RELN: variants seen among roughly 807,000 people sequenced by gnomAD.
The protein encoded by RELN is reelin.
Under a neutral mutation model 427.6 loss-of-function variants are expected in RELN, and 108 were observed. The observed-to-expected ratio is 0.25, with a 90% confidence interval of 0.22 to 0.30. The LOEUF (loss-of-function observed/expected upper bound fraction) is 0.30, where lower values mean the gene tolerates loss of function less well. RELN is among the 10% of genes least tolerant of loss of function. The probability of loss-of-function intolerance (pLI) is 1.00; values close to 1 mark genes in which losing one functional copy is unlikely to be tolerated. For synonymous variants in RELN, 1,524 were observed against 1,513.4 expected, an observed-to-expected ratio of 1.01 and a Z score of -0.16; for missense variants, 3,715 against 4,302.8, an observed-to-expected ratio of 0.86 and a Z score of 3.82.
intron 11 of RELN, among the ~76,000 whole-genome samples, chr7:103,666,731 A>G (rs1833276175): frequency 6.6e-6 from 1 of 152,088 alleles, no homozygotes; most frequent in Non-Finnish European, 1.5e-5. Flanking sequence ...TTAATTCCTC[A>G]GTTTAGAATT....
intron 1 of RELN, among the ~76,000 whole-genome samples, chr7:103,980,810 T>C (rs1054014815): frequency 6.7e-6 from 1 of 149,914 alleles, no homozygotes; most frequent in African/African-American, 2.5e-5. Flanking sequence ...GTTGCCTTTT[T>C]TTTCAGGTAA....
At chr7:103,629,910 T>C (rs189594066) in intron 20 of RELN, 30 bp downstream of exon 20, 76 of 1,326,960 alleles carry the variant, frequency 5.7e-5, no homozygotes, top group Admixed American at 4.0e-4. Flanking sequence ...CTAGTGCAAA[T>C]TGTAACAATA....
chr7:103,540,087 G>A (rs1830143989), intron 44 of RELN, 110 bp downstream of exon 44: 1 of 1,244,436 alleles, frequency 8.0e-7, no homozygotes, highest in Non-Finnish European at 1.2e-6. Flanking sequence ...TCACTCAACT[G>A]TCAGTTCTGG....
chr7:103,774,988 C>T (rs987905763), intron 4 of RELN, among the ~76,000 whole-genome samples: 10 of 151,922 alleles, frequency 6.6e-5, no homozygotes, highest in Admixed American at 5.2e-4. Flanking sequence ...ATTGGTTTTT[C>T]TTGGCTTTTT....
chr7:103,868,382 A>G (rs1285551555), intron 2 of RELN, among the ~76,000 whole-genome samples: 3 of 152,066 alleles, frequency 2.0e-5, no homozygotes, highest in Non-Finnish European at 4.4e-5. Flanking sequence ...TTCTAAACCT[A>G]CCTCCATATA....
intron 1 of RELN, among the ~76,000 whole-genome samples, chr7:103,946,943 T>C (rs904545890): frequency 1.3e-5 from 2 of 152,204 alleles, no homozygotes; most frequent in Non-Finnish European, 2.9e-5. Context: ...GTAAGTGGTA[T>C]GCTAAAGGCA....
chr7:103,873,790 G>A (rs1468273138), intron 2 of RELN, among the ~76,000 whole-genome samples: 1 of 131,136 alleles, frequency 7.6e-6, no homozygotes, highest in Admixed American at 7.8e-5. Flanking sequence ...AGGAGGAACT[G>A]GTACCATTCC....
At chr7:103,877,990 G>C (rs1431381328) in intron 2 of RELN, among the ~76,000 whole-genome samples, 3 of 151,836 alleles carry the variant, frequency 2.0e-5, no homozygotes, top group African/African-American at 7.3e-5. Context: ...CAAATGGCTG[G>C]GATTACAGGC....
chr7:103,661,116 G>T (rs1406693597), intron 12 of RELN, among the ~76,000 whole-genome samples: 2 of 152,116 alleles, frequency 1.3e-5, no homozygotes, highest in Non-Finnish European at 2.9e-5. Flanking sequence ...ACCATGGAGG[G>T]AGAGGTGGAA....
chr7:103,723,229 G>C (rs768711198), intron 7 of RELN, 38 bp from the exon 8 acceptor site: 10 of 1,307,614 alleles, frequency 7.6e-6, no homozygotes, highest in Non-Finnish European at 1.1e-5. Flanking sequence ...AGACAAGACA[G>C]AGAGGAGAAA....
chr7:103,919,133 C>CTTTTT (rs1187538150), intron 1 of RELN, among the ~76,000 whole-genome samples: 2 of 101,342 alleles, frequency 2.0e-5, no homozygotes, highest in African/African-American at 3.7e-5. Flanking sequence ...GATAATCGGT[C>CTTTTT]TTTTTTTTTT....
At chr7:103,769,213 T>G (rs542987583) in intron 4 of RELN, among the ~76,000 whole-genome samples, 2 of 152,234 alleles carry the variant, frequency 1.3e-5, no homozygotes, top group South Asian at 4.2e-4. Flanking sequence ...CCTCCAAAAT[T>G]CAGGTGTTGC....
chr7:103,764,581 G>T lies in RELN; in HGVS notation c.545-11367C>A, dbSNP rs375787300. ...GGCCAGGCATGGTGGCTCATGCCTG[G>T]AATCCCAGCACTTTGGGAGGCTGAG... On this transcript the variant is annotated intron_variant, in intron 4 of 64. Coordinates refer to ENST00000428762, the MANE Select transcript of RELN (RefSeq NM_005045.4). Among the ~76,000 whole-genome samples the T allele has an allele frequency of 1.0e-3, 153 of 151,874 alleles. 1 individual carries two copies. The highest frequency in any genetic ancestry group is 3.5e-3 in the African/African-American group (145 of 41,436).
intron 1 of RELN, among the ~76,000 whole-genome samples, chr7:103,944,942 T>C (rs1208879711): frequency 6.6e-6 from 1 of 152,092 alleles, no homozygotes; most frequent in Non-Finnish European, 1.5e-5. Flanking sequence ...TCTGTCATGC[T>C]TGCTCCCTGA....
In RELN at chr7:103,697,400, C is replaced by T. The variant is rs181183949; in HGVS notation, c.1143+453G>A. Among the ~76,000 whole-genome samples, 153 of 152,188 alleles carry T rather than the reference C, an allele frequency of 1.0e-3. No individual in the cohort carries two copies. In the Middle Eastern group the frequency reaches 0.01, roughly 10 times the overall value. On this transcript the variant is annotated intron_variant, in intron 10 of 64. Coordinates refer to ENST00000428762, the MANE Select transcript of RELN (RefSeq NM_005045.4). ...ACTGTTCAGCCTCTACTTGGAGTCC[C>T]TATTCTCCTACCCTGCCTTTGTAAC...
intron 28 of RELN, among the ~76,000 whole-genome samples, chr7:103,587,244 A>G (rs1161939557): frequency 1.3e-5 from 2 of 152,212 alleles, no homozygotes; most frequent in African/African-American, 4.8e-5. Flanking sequence ...AAGCCAACTA[A>G]TCTTTGACAA....
At chr7:103,720,606 T>C (rs1790051836) in intron 8 of RELN, among the ~76,000 whole-genome samples, 1 of 152,194 alleles carries the variant, frequency 6.6e-6, no homozygotes. Flanking sequence ...AAATGTTGAA[T>C]TGTTAACATA....
In RELN at chr7:103,721,192, T is replaced by C. The variant is rs77491518; in HGVS notation, c.805+1948A>G. ...ATAAACTTGAGATCTCTTTTTCTCA[T>C]TTCCTTCCTCCCTCTTTCCTTCCTC... On this transcript the variant is annotated intron_variant, in intron 8 of 64. Coordinates refer to ENST00000428762, the MANE Select transcript of RELN (RefSeq NM_005045.4). Among the ~76,000 whole-genome samples the C allele has an allele frequency of 9.6e-3, 1,465 of 152,164 alleles. 27 individuals are homozygous for C. The highest frequency in any genetic ancestry group is 0.033 in the African/African-American group (1,382 of 41,512).
At chr7:103,666,862 T>G (rs1272804940) in intron 11 of RELN, among the ~76,000 whole-genome samples, 1 of 152,140 alleles carries the variant, frequency 6.6e-6, no homozygotes, top group Non-Finnish European at 1.5e-5. Context: ...AATTACTTCT[T>G]TATGGAGAAG....
Sources: gnomAD v4.1 joint callset for allele counts (sites outside exome capture counted in the v4.1 genomes callset) on GRCh38, gnomAD v4.1.1 for gene constraint, MANE v1.5 for transcripts, NCBI Gene and HGNC (gene_info 2026-07-23, HGNC 2026-07-21) for gene names.